MAGI3: variants seen among roughly 807,000 people sequenced by gnomAD.
MAGI3 encodes the protein membrane-associated guanylate kinase, WW and PDZ domain-containing protein 3.
Under a neutral mutation model 121.8 loss-of-function variants are expected in MAGI3, and 43 were observed. The ratio of observed to expected loss-of-function variants is 0.35; its 90% CI spans 0.28 to 0.46. The LOEUF (loss-of-function observed/expected upper bound fraction) is 0.46, where lower values mean the gene tolerates loss of function less well. MAGI3 is among the 20% of genes least tolerant of loss of function. The probability of loss-of-function intolerance (pLI) is 1.00; values close to 1 mark genes in which losing one functional copy is unlikely to be tolerated. For missense variants in MAGI3, 1,547 were observed against 1,797.3 expected (o/e 0.86, Z 2.52); for synonymous variants, 553 against 639.3 (o/e 0.86, Z 2.04).
chr1:113,477,043 AC>A (rs1340206080), intron 1 of MAGI3, among the ~76,000 whole-genome samples: 2 of 143,556 alleles, frequency 1.4e-5, no homozygotes, highest in African/African-American at 5.0e-5. Context: ...CTAGGGTTGC[AC>A]CCCTGCTTTT....
At chr1:113,474,075 G>A (rs531209641) in intron 1 of MAGI3, among the ~76,000 whole-genome samples, 3 of 152,160 alleles carry the variant, frequency 2.0e-5, no homozygotes, top group Non-Finnish European at 2.9e-5. Context: ...CTTTTGAGAC[G>A]TGTCTGTTCT....
intron 19 of MAGI3, among the ~76,000 whole-genome samples, chr1:113,679,012 T>C (rs1648043866): frequency 6.6e-6 from 1 of 152,268 alleles, no homozygotes; most frequent in Admixed American, 6.5e-5. Flanking sequence ...ATTTGCTTTT[T>C]GGAATTTCAG....
At chr1:113,563,763 A>G (rs900286501) in intron 2 of MAGI3, among the ~76,000 whole-genome samples, 1 of 152,074 alleles carries the variant, frequency 6.6e-6, no homozygotes, top group African/African-American at 2.4e-5. Context: ...CACAAACCTC[A>G]CTCACCACCA....
chr1:113,451,295 G>A (rs1463029211), intron 1 of MAGI3, among the ~76,000 whole-genome samples: 1 of 152,052 alleles, frequency 6.6e-6, no homozygotes, highest in African/African-American at 2.4e-5. Context: ...ATCGTAAACA[G>A]CTTTGAGAGT....
intron 1 of MAGI3, among the ~76,000 whole-genome samples, chr1:113,459,310 T>G (rs1020764289): frequency 6.6e-6 from 1 of 152,240 alleles, no homozygotes; most frequent in African/African-American, 2.4e-5. Flanking sequence ...TTCTCCACAC[T>G]TTTTATATAG....
chr1:113,559,371 A>G (rs576762085), intron 2 of MAGI3, among the ~76,000 whole-genome samples: 1 of 152,356 alleles, frequency 6.6e-6, no homozygotes, highest in East Asian at 1.9e-4. Flanking sequence ...TTATCAAGCC[A>G]ATGGAAAAAA....
intron 1 of MAGI3, among the ~76,000 whole-genome samples, chr1:113,424,601 A>G (rs1337755145): frequency 1.3e-5 from 2 of 152,194 alleles, no homozygotes; most frequent in Non-Finnish European, 2.9e-5. Flanking sequence ...TCTCCTTGAC[A>G]TTCATCCAAG....
chr1:113,597,586 G>A (rs911998384), intron 6 of MAGI3, among the ~76,000 whole-genome samples: 2 of 152,100 alleles, frequency 1.3e-5, no homozygotes, highest in Non-Finnish European at 2.9e-5. Flanking sequence ...TCACTACAAT[G>A]AGATACCATC....
At chr1:113,528,857 A>G (rs1347951373) in intron 1 of MAGI3, among the ~76,000 whole-genome samples, 1 of 152,174 alleles carries the variant, frequency 6.6e-6, no homozygotes, top group Admixed American at 6.5e-5. Flanking sequence ...AATAGTTTTT[A>G]TTGTCCTTAG....
chr1:113,592,618 T>C (rs1648752748), intron 5 of MAGI3, among the ~76,000 whole-genome samples: 1 of 152,152 alleles, frequency 6.6e-6, no homozygotes, highest in South Asian at 2.1e-4. Flanking sequence ...CAAAAAACTT[T>C]TAAGTTTGGG....
At chr1:113,585,303 C>A in intron 3 of MAGI3, 84 bp from the exon 4 acceptor site, 1 of 1,272,948 alleles carries the variant, frequency 7.9e-7, no homozygotes, top group Non-Finnish European at 1.1e-6. Context: ...TTGTGAAAAA[C>A]AGGGCAGAGA....
chr1:113,621,798 C>T (rs1650835660), intron 8 of MAGI3, among the ~76,000 whole-genome samples: 1 of 151,332 alleles, frequency 6.6e-6, no homozygotes, highest in African/African-American at 2.4e-5. Flanking sequence ...CTGACATATG[C>T]TACAATACAG....
chr1:113,491,628 G>A (rs1474512151), intron 1 of MAGI3, among the ~76,000 whole-genome samples: 1 of 151,894 alleles, frequency 6.6e-6, no homozygotes, highest in African/African-American at 2.4e-5. Context: ...CCATTAGCTA[G>A]GCTAATAAAG....
chr1:113,503,219 T>A (rs867147638), intron 1 of MAGI3, among the ~76,000 whole-genome samples: 1,861 of 8,960 alleles, frequency 0.21, 74 homozygotes, highest in African/African-American at 0.25. Flanking sequence ...AGAGTATAAT[T>A]AAAAAAAAAA....
chr1:113,557,573 C>A (rs1660049384), intron 2 of MAGI3, among the ~76,000 whole-genome samples: 1 of 152,234 alleles, frequency 6.6e-6, no homozygotes, highest in African/African-American at 2.4e-5. Flanking sequence ...GCTCCAATTT[C>A]TCCCTGGGAC....
At chr1:113,450,315 A>C in intron 1 of MAGI3, 1 of 1,526,646 alleles carries the variant, frequency 6.6e-7, no homozygotes, top group Non-Finnish European at 9.1e-7. Context: ...GTCGCGGAGG[A>C]AACTTTGGAG....
rs989147452 is a variant in MAGI3, at chr1:113,428,388, G to C, written c.316+37039G>C. On this transcript the variant is annotated intron_variant, in intron 1 of 20. Transcript: ENST00000307546. ...TTCATTCAGCTCTATTTATTGAAAA[G>C]ACATCCTTTGCTCACCACATTTGCA... Among the ~76,000 whole-genome samples the C allele has an allele frequency of 2.0e-5, 3 of 152,222 alleles. No homozygotes were observed. The East Asian group carries it at 5.8e-4, about 29-fold the overall frequency.
chr1:113,537,393 T>C (rs1279095707), intron 1 of MAGI3, among the ~76,000 whole-genome samples: 1 of 152,188 alleles, frequency 6.6e-6, no homozygotes, highest in Non-Finnish European at 1.5e-5. Context: ...TCATGTACTA[T>C]TCCACTCTCA....
chr1:113,398,925 A>G (rs572150443), intron 1 of MAGI3, among the ~76,000 whole-genome samples: 2 of 152,204 alleles, frequency 1.3e-5, no homozygotes, highest in South Asian at 2.1e-4. Context: ...CTTAATTTAC[A>G]TATCAGTTTC....
Sources: gnomAD v4.1 joint callset for allele counts (sites outside exome capture counted in the v4.1 genomes callset) on GRCh38, gnomAD v4.1.1 for gene constraint, MANE v1.5 for transcripts, NCBI Gene and HGNC (gene_info 2026-07-23, HGNC 2026-07-21) for gene names.